The following SCHIP1 variants were observed in gnomAD, a reference collection of about 807,000 sequenced individuals.
SCHIP1 encodes schwannomin interacting protein 1, also known as schwannomin-interacting protein 1.
Under a neutral mutation model 29.7 loss-of-function variants are expected in SCHIP1, and 8 were observed. That is an observed-to-expected ratio of 0.27 (90% confidence interval 0.16 to 0.49). The LOEUF (loss-of-function observed/expected upper bound fraction) is 0.49. SCHIP1 is among the 20% of genes least tolerant of loss of function. The probability of loss-of-function intolerance (pLI) is 0.99; values close to 1 mark genes in which losing one functional copy is unlikely to be tolerated. For synonymous variants in SCHIP1, 76 were observed against 94.9 expected (o/e 0.80, Z 1.16); for missense variants, 193 against 294.6 (o/e 0.66, Z 2.52).
the SCHIP1 span, among the ~76,000 whole-genome samples, chr3:159,506,299 C>T: frequency 2.0e-5 from 3 of 152,262 alleles, no homozygotes; most frequent in African/African-American, 7.2e-5. Context: ...ATCCTTTGCC[C>T]ACTTTTGGAT....
the SCHIP1 span, among the ~76,000 whole-genome samples, chr3:159,479,505 G>A: frequency 6.6e-6 from 1 of 152,086 alleles, no homozygotes; most frequent in African/African-American, 2.4e-5. Flanking sequence ...TTCACATACG[G>A]TCAGATCAAA....
chr3:159,545,426 T>C, the SCHIP1 span, among the ~76,000 whole-genome samples: 55,083 of 151,566 alleles, frequency 0.36, 10,563 homozygotes, highest in South Asian at 0.51. Flanking sequence ...CATCTTTCTC[T>C]AGTGCTGGAT....
the SCHIP1 span, among the ~76,000 whole-genome samples, chr3:159,583,625 C>T: frequency 6.6e-6 from 1 of 152,126 alleles, no homozygotes; most frequent in African/African-American, 2.4e-5. Flanking sequence ...CTGAAAATGA[C>T]ATGGTAATTG....
chr3:159,896,780 A>C (rs1227030638), exon 7 of SCHIP1: 1 of 1,606,264 alleles, frequency 6.2e-7, no homozygotes, highest in African/African-American at 1.3e-5. Flanking sequence ...AGTGAAAAGA[A>C]GCCATTCAAC....
At chr3:159,372,212 G>GA in the SCHIP1 span, among the ~76,000 whole-genome samples, 2 of 151,956 alleles carry the variant, frequency 1.3e-5, no homozygotes, top group Non-Finnish European at 2.9e-5. Context: ...GTAGGACACT[G>GA]AAAAAAATTA....
At chr3:159,429,291 A>G in the SCHIP1 span, among the ~76,000 whole-genome samples, 1 of 151,938 alleles carries the variant, frequency 6.6e-6, no homozygotes, top group Middle Eastern at 3.4e-3. Context: ...TGAAGATTTC[A>G]TAAGAGACTA....
chr3:159,728,593 C>A, the SCHIP1 span, among the ~76,000 whole-genome samples: 2 of 152,168 alleles, frequency 1.3e-5, no homozygotes, highest in Admixed American at 6.5e-5. Flanking sequence ...GAGGAGCTCC[C>A]CTTTCCCTCT....
At chr3:159,635,849 C>T in the SCHIP1 span, among the ~76,000 whole-genome samples, 1 of 152,136 alleles carries the variant, frequency 6.6e-6, no homozygotes, top group South Asian at 2.1e-4. Context: ...ATTCAGGAAT[C>T]AAACTATGCT....
the SCHIP1 span, among the ~76,000 whole-genome samples, chr3:159,698,882 G>A: frequency 6.6e-6 from 1 of 152,148 alleles, no homozygotes; most frequent in African/African-American, 2.4e-5. Flanking sequence ...CTGGCCTCAA[G>A]TGATCTGCCT....
the SCHIP1 span, among the ~76,000 whole-genome samples, chr3:159,677,711 T>TGG: frequency 6.6e-6 from 1 of 152,190 alleles, no homozygotes; most frequent in Non-Finnish European, 1.5e-5. Context: ...TCTCTAGCTC[T>TGG]GGGGGGATCC....
At chr3:159,426,281 CAG>C in the SCHIP1 span, among the ~76,000 whole-genome samples, 2 of 151,930 alleles carry the variant, frequency 1.3e-5, no homozygotes, top group Non-Finnish European at 2.9e-5. Flanking sequence ...ATAGATAGAC[CAG>C]TAGCAAGACT....
the SCHIP1 span, among the ~76,000 whole-genome samples, chr3:159,463,867 G>A: frequency 1.1e-4 from 17 of 152,084 alleles, no homozygotes; most frequent in African/African-American, 3.1e-4. Flanking sequence ...CATCCTATAC[G>A]TCTTTCCTTT....
chr3:159,543,473 T>G, the SCHIP1 span, among the ~76,000 whole-genome samples: 74 of 149,348 alleles, frequency 5.0e-4, no homozygotes, highest in African/African-American at 1.6e-3. Context: ...CGGTGTTTGG[T>G]TTTTTGTCCT....
At chr3:159,682,551 A>G in the SCHIP1 span, among the ~76,000 whole-genome samples, 4 of 152,200 alleles carry the variant, frequency 2.6e-5, no homozygotes, top group Admixed American at 2.0e-4. Context: ...TACCTGCTAA[A>G]TCTTTGAAAA....
the SCHIP1 span, among the ~76,000 whole-genome samples, chr3:159,673,004 T>A: frequency 6.6e-6 from 1 of 152,186 alleles, no homozygotes. Context: ...ATATAAGCTC[T>A]TTTTGTTATC....
At chr3:159,650,559 A>G in the SCHIP1 span, among the ~76,000 whole-genome samples, 6 of 152,172 alleles carry the variant, frequency 3.9e-5, no homozygotes, top group African/African-American at 7.2e-5. Flanking sequence ...GCTTAAATGT[A>G]TATATCCTTT....
the SCHIP1 span, among the ~76,000 whole-genome samples, chr3:159,829,726 G>A: frequency 6.6e-6 from 1 of 152,188 alleles, no homozygotes; most frequent in African/African-American, 2.4e-5. Flanking sequence ...ATTCATGCCT[G>A]TGCATGCCCA....
At chr3:159,671,277 C>T in the SCHIP1 span, among the ~76,000 whole-genome samples, 1 of 152,228 alleles carries the variant, frequency 6.6e-6, no homozygotes, top group Admixed American at 6.5e-5. Context: ...GGGCAAGTCC[C>T]TTGTGAGCAC....
chr3:159,846,940 A>G (rs1711927269), intron 1 of SCHIP1, among the ~76,000 whole-genome samples: 1 of 152,128 alleles, frequency 6.6e-6, no homozygotes, highest in Non-Finnish European at 1.5e-5. Flanking sequence ...AAGGAGCACA[A>G]TGATAAGAGC....
Sources: allele counts gnomAD v4.1 joint callset (sites outside exome capture counted in the v4.1 genomes callset), GRCh38; gene constraint gnomAD v4.1.1; transcripts MANE v1.5; gene names NCBI Gene and HGNC (gene_info 2026-07-23, HGNC 2026-07-21).